NOX4: variants seen among roughly 807,000 people sequenced by gnomAD.
The protein encoded by NOX4 is NADPH oxidase 4.
A neutral mutation model predicts 87.6 loss-of-function variants in NOX4; 69 were observed. The observed-to-expected ratio is 0.79, with a 90% CI of 0.65 to 0.96. The LOEUF (loss-of-function observed/expected upper bound fraction) is 0.96. Ranked by LOEUF, NOX4 falls within the 40% of genes least tolerant of loss-of-function variation. The probability of loss-of-function intolerance (pLI) is 0.00; values close to 1 mark genes in which losing one functional copy is unlikely to be tolerated. For missense variants in NOX4, 680 were observed against 681.5 expected, an observed-to-expected ratio of 1.00 and a Z score of 0.02; for synonymous variants, 275 against 238.2, an observed-to-expected ratio of 1.15 and a Z score of -1.42.
At position 89,470,443 on chromosome 11, in the gene NOX4, G is replaced by A. The variant is rs533228156; in HGVS notation, c.154-18548C>T. On this transcript the variant is annotated intron_variant, in intron 2 of 17. Coordinates refer to ENST00000263317, the MANE Select transcript of NOX4 (RefSeq NM_016931.5). Reference sequence around the variant, plus strand: ...ATGGTGGATGAATGAATGAATGAATGAATGAGGCTAAGAGATGATCCTTCA... The same window carrying A: ...ATGGTGGATGAATGAATGAATGAATAAATGAGGCTAAGAGATGATCCTTCA... 3.2e-4 allele frequency among the ~76,000 whole-genome samples: 49 copies of A among 152,244 alleles called. No homozygotes were observed. In the South Asian group the frequency reaches 3.9e-3, roughly 12 times the overall value.
At chr11:89,538,535 C>A in the NOX4 span, among the ~76,000 whole-genome samples, 18 of 152,034 alleles carry the variant, frequency 1.2e-4, no homozygotes, top group Non-Finnish European at 2.1e-4. Context: ...ACATGCCCAG[C>A]AAAACTTGGA....
chr11:89,406,754 A>G (rs1942209154), intron 8 of NOX4, among the ~76,000 whole-genome samples: 2 of 152,158 alleles, frequency 1.3e-5, no homozygotes, highest in Non-Finnish European at 2.9e-5. Context: ...TTTAATTTAA[A>G]TTGAATAGCC....
At chr11:89,491,465 C>G (rs570112699), upstream of NOX4, 12 of 523,434 alleles carry the variant, frequency 2.3e-5, no homozygotes, top group South Asian at 2.8e-4. Context: ...CCACCCGCAC[C>G]GGGTCAGCTC....
At chr11:89,489,126 T>C (rs1459494089) in intron 2 of NOX4, 1 of 577,762 alleles carries the variant, frequency 1.7e-6, no homozygotes, top group Non-Finnish European at 3.1e-6. Context: ...TATTACTTTG[T>C]TGTATAAAAA....
chr11:89,382,743 C>T (rs968743338), intron 11 of NOX4, among the ~76,000 whole-genome samples: 10 of 152,184 alleles, frequency 6.6e-5, no homozygotes, highest in African/African-American at 2.4e-4. Context: ...CTGTTCACAC[C>T]CAGTCTGGCT....
chr11:89,478,060 G>A (rs1466655225), intron 2 of NOX4, among the ~76,000 whole-genome samples: 1 of 152,038 alleles, frequency 6.6e-6, no homozygotes, highest in Non-Finnish European at 1.5e-5. Context: ...TTCTGAAATA[G>A]ATAAGTCTTA....
intron 7 of NOX4, among the ~76,000 whole-genome samples, chr11:89,428,158 C>A (rs1330757740): frequency 6.6e-6 from 1 of 152,160 alleles, no homozygotes; most frequent in Non-Finnish European, 1.5e-5. Context: ...CCTTTACAGA[C>A]AAGCAAATGC....
At chr11:89,476,564 T>C (rs984052295) in intron 2 of NOX4, among the ~76,000 whole-genome samples, 5 of 152,158 alleles carry the variant, frequency 3.3e-5, no homozygotes, top group African/African-American at 7.2e-5. Flanking sequence ...AAAAATGCTA[T>C]TTTTTAAACA....
intron 8 of NOX4, among the ~76,000 whole-genome samples, chr11:89,411,217 C>T (rs560176580): frequency 2.0e-5 from 3 of 152,154 alleles, no homozygotes; most frequent in Admixed American, 6.5e-5. Context: ...GAATAACCAG[C>T]AGTGGTACCC....
chr11:89,420,281 T>A (rs1358735554), intron 8 of NOX4, among the ~76,000 whole-genome samples: 2 of 152,266 alleles, frequency 1.3e-5, no homozygotes, highest in Admixed American at 1.3e-4. Flanking sequence ...GCATTTTGAA[T>A]TTATACTTAG....
Position 89,470,917 on chromosome 11 carries a change from G to A in NOX4, c.154-19022C>T, listed in dbSNP as rs1272963530. Among the ~76,000 whole-genome samples, 3 of 152,070 alleles carry A rather than the reference G, an allele frequency of 2.0e-5. No homozygotes were observed. The East Asian group carries it at 5.8e-4, about 29-fold the overall frequency. On this transcript the variant is annotated intron_variant, in intron 2 of 17. Coordinates refer to ENST00000263317, the MANE Select transcript of NOX4 (RefSeq NM_016931.5). ...CTACAGATCCACAGCTCAGACTGCT[G>A]CTATCCCTTCTATTTGTATTGGCAT...
chr11:89,589,315 T>C, the NOX4 span: 1 of 152,216 alleles, frequency 6.6e-6, no homozygotes, highest in Non-Finnish European at 1.5e-5. Context: ...ATTCCTTCCT[T>C]GAGAAGTGGA....
chr11:89,420,096 C>T (rs1246311827), intron 8 of NOX4, among the ~76,000 whole-genome samples: 1 of 152,006 alleles, frequency 6.6e-6, no homozygotes, highest in Non-Finnish European at 1.5e-5. Context: ...GTAGTAAAAA[C>T]TTAGGAGTTT....
the NOX4 span, among the ~76,000 whole-genome samples, chr11:89,536,621 A>C: frequency 2.0e-5 from 3 of 152,152 alleles, no homozygotes; most frequent in African/African-American, 7.2e-5. Context: ...ATTACTGTAA[A>C]TATTATTAAC....
At chr11:89,521,630 A>C in the NOX4 span, among the ~76,000 whole-genome samples, 20 of 151,122 alleles carry the variant, frequency 1.3e-4, no homozygotes, top group East Asian at 3.1e-3. Context: ...GAAAAAAAAA[A>C]TATGATTAAG....
the NOX4 span, among the ~76,000 whole-genome samples, chr11:89,570,768 G>A: frequency 2.2e-3 from 336 of 152,288 alleles, no homozygotes; most frequent in Middle Eastern, 6.8e-3. Context: ...TGGTCCTGCA[G>A]TGAGCCATGA....
intron 17 of NOX4, among the ~76,000 whole-genome samples, chr11:89,332,930 A>G (rs1157955757): frequency 6.6e-6 from 1 of 151,888 alleles, no homozygotes; most frequent in East Asian, 1.9e-4. Context: ...AAAAGCAACA[A>G]AAGAAAGGAA....
Position 89,491,255 on chromosome 11 carries a change from C to T in NOX4, c.-9G>A. 2 of 1,612,178 alleles carry T rather than the reference C, an allele frequency of 1.2e-6. No individual in the cohort carries two copies. Among genetic ancestry groups the T allele is most frequent in the Non-Finnish European group, 1.7e-6 (2 of 1,179,138 alleles). The stretch of plus-strand genomic sequence containing the variant: ...CTCCAGGACACAGCCATGCCGCCGG[C>T]CCCGCCGCGCTGCGCTCTGTGCCCG... On this transcript the variant is annotated 5_prime_UTR_variant, in exon 1 of 18. Transcript: ENST00000263317.
the NOX4 span, among the ~76,000 whole-genome samples, chr11:89,521,181 C>A: frequency 6.6e-6 from 1 of 151,970 alleles, no homozygotes; most frequent in Admixed American, 6.6e-5. Context: ...GAAAAATCTA[C>A]TCTTAAATTC....
Sources: allele counts gnomAD v4.1 joint callset (sites outside exome capture counted in the v4.1 genomes callset), GRCh38; gene constraint gnomAD v4.1.1; transcripts MANE v1.5; gene names NCBI Gene and HGNC (gene_info 2026-07-23, HGNC 2026-07-21).